The following LDB2 variants were observed in gnomAD, a reference collection of about 807,000 sequenced individuals.
The protein encoded by LDB2 is LIM domain-binding protein 2.
In LDB2, 12 loss-of-function variants were observed where a neutral mutation model predicts 44.3. The observed-to-expected ratio is 0.27, with a 90% CI of 0.17 to 0.44. LDB2 has a LOEUF of 0.44. Ranked by LOEUF, LDB2 falls within the 20% of genes least tolerant of loss-of-function variation. The pLI, the probability that LDB2 is intolerant of heterozygous loss-of-function variation, is 1.00. For missense variants in LDB2, 344 were observed against 473.5 expected, an observed-to-expected ratio of 0.73 and a Z score of 2.54; for synonymous variants, 164 against 174.8, an observed-to-expected ratio of 0.94 and a Z score of 0.49.
intron 2 of LDB2, among the ~76,000 whole-genome samples, chr4:16,683,710 C>T (rs1748506964): frequency 1.3e-5 from 2 of 152,206 alleles, no homozygotes; most frequent in African/African-American, 4.8e-5. Flanking sequence ...TTAGCATATT[C>T]GTTAATGTTA....
At chr4:16,593,148 C>T (rs1374349094) in intron 3 of LDB2, among the ~76,000 whole-genome samples, 2 of 152,078 alleles carry the variant, frequency 1.3e-5, no homozygotes, top group Non-Finnish European at 2.9e-5. Flanking sequence ...CACCAGTTGA[C>T]CAAATTTTCA....
At chr4:16,843,370 T>A (rs1786268946) in intron 1 of LDB2, among the ~76,000 whole-genome samples, 1 of 152,198 alleles carries the variant, frequency 6.6e-6, no homozygotes, top group African/African-American at 2.4e-5. Flanking sequence ...TTCTTCACTG[T>A]TCAGTCTCCA....
chr4:16,817,821 T>G (rs1781234190), intron 1 of LDB2, among the ~76,000 whole-genome samples: 1 of 152,138 alleles, frequency 6.6e-6, no homozygotes, highest in Non-Finnish European at 1.5e-5. Context: ...TGAGTCTTGC[T>G]CCAGAATTTG....
intron 2 of LDB2, chr4:16,626,681 C>T (rs1730371047): frequency 6.6e-6 from 1 of 151,936 alleles, no homozygotes; most frequent in South Asian, 2.1e-4. Flanking sequence ...GGACAAGTTG[C>T]TTTACCTTGC....
In LDB2 at chr4:16,551,732, G is replaced by C. The variant is rs187549458; in HGVS notation, c.615+34190C>G. Among the ~76,000 whole-genome samples the C allele has an allele frequency of 2.7e-3, 413 of 152,188 alleles. 5 individuals are homozygous for C. Among genetic ancestry groups the C allele is most frequent in the African/African-American group, 9.5e-3 (393 of 41,508 alleles). On this transcript the variant is annotated intron_variant, in intron 5 of 7. Coordinates refer to ENST00000304523, the MANE Select transcript of LDB2 (RefSeq NM_001290.5). ...GAGTTCCACCATGTTGGCCAGACTG[G>C]TCTCAAACTCCTGACCTCAGGTGAT...
At chr4:16,530,526 T>G (rs1729788886) in intron 5 of LDB2, among the ~76,000 whole-genome samples, 1 of 152,240 alleles carries the variant, frequency 6.6e-6, no homozygotes, top group African/African-American at 2.4e-5. Context: ...ACTATGTCCC[T>G]CATGATCTGA....
intron 2 of LDB2, among the ~76,000 whole-genome samples, chr4:16,629,884 G>C (rs1031047292): frequency 8.6e-5 from 13 of 152,046 alleles, no homozygotes; most frequent in African/African-American, 3.1e-4. Flanking sequence ...GACAAGATTA[G>C]AGAAAAAGGA....
At chr4:16,642,766 A>G (rs1735566562) in intron 2 of LDB2, among the ~76,000 whole-genome samples, 1 of 152,184 alleles carries the variant, frequency 6.6e-6, no homozygotes, top group Non-Finnish European at 1.5e-5. Flanking sequence ...TGGAAAGCAG[A>G]CATTATCTCT....
chr4:16,707,997 A>G (rs1179755929), intron 2 of LDB2, among the ~76,000 whole-genome samples: 3 of 152,198 alleles, frequency 2.0e-5, no homozygotes, highest in South Asian at 2.1e-4. Flanking sequence ...CCCGTGTTCA[A>G]ACTGACACAC....
In LDB2 at chr4:16,662,530, A is replaced by G. The variant is rs573390552; in HGVS notation, c.236-66655T>C. ...TTTAAAGTTAAACTCATATATTGAT[A>G]TGGTTTGGCTGTGTCCCCACCCAAA... On this transcript the variant is annotated intron_variant, in intron 2 of 7. Coordinates refer to ENST00000304523, the MANE Select transcript of LDB2 (RefSeq NM_001290.5). 2.6e-5 allele frequency among the ~76,000 whole-genome samples: 4 copies of G among 152,276 alleles called. No homozygotes were observed. The South Asian group carries it at 6.2e-4, about 24-fold the overall frequency.
At chr4:16,870,840 G>A (rs1716350893) in intron 1 of LDB2, among the ~76,000 whole-genome samples, 1 of 152,002 alleles carries the variant, frequency 6.6e-6, no homozygotes, top group Admixed American at 6.6e-5. Flanking sequence ...CACAATGTTG[G>A]CCAGGCTGGT....
chr4:16,598,130 C>T (rs1452071223), intron 2 of LDB2, among the ~76,000 whole-genome samples: 1 of 152,166 alleles, frequency 6.6e-6, no homozygotes, highest in Non-Finnish European at 1.5e-5. Context: ...TATTCACGCC[C>T]TTGTGTACGT....
At chr4:16,550,901 T>C (rs924173721) in intron 5 of LDB2, among the ~76,000 whole-genome samples, 3 of 152,338 alleles carry the variant, frequency 2.0e-5, no homozygotes, top group African/African-American at 7.2e-5. Flanking sequence ...TGCATATTCC[T>C]ATAATACAAC....
At chr4:16,581,937 AAAGG>A (rs1452444630) in intron 5 of LDB2, among the ~76,000 whole-genome samples, 1 of 151,162 alleles carries the variant, frequency 6.6e-6, no homozygotes, top group Non-Finnish European at 1.5e-5. Flanking sequence ...AGAAAGAAAG[AAAGG>A]AAGGGAGGGA....
chr4:16,634,314 A>T (rs929568179), intron 2 of LDB2, among the ~76,000 whole-genome samples: 31 of 150,578 alleles, frequency 2.1e-4, no homozygotes, highest in African/African-American at 6.8e-4. Flanking sequence ...AAAAAAAAAA[A>T]AGCTATCATC....
chr4:16,663,343 A>G (rs1488063909), intron 2 of LDB2, among the ~76,000 whole-genome samples: 2 of 152,196 alleles, frequency 1.3e-5, no homozygotes, highest in Non-Finnish European at 2.9e-5. Context: ...AAATTCTCCC[A>G]CCATGGCTAA....
At chr4:16,801,700 T>C (rs1777868535) in intron 1 of LDB2, among the ~76,000 whole-genome samples, 1 of 152,186 alleles carries the variant, frequency 6.6e-6, no homozygotes, top group Admixed American at 6.5e-5. Flanking sequence ...AATTATAAAA[T>C]TGAACAGATC....
At chr4:16,650,267 C>T (rs1737897761) in intron 2 of LDB2, among the ~76,000 whole-genome samples, 1 of 152,156 alleles carries the variant, frequency 6.6e-6, no homozygotes, top group Non-Finnish European at 1.5e-5. Context: ...TGTGAAGGCT[C>T]CATGAGTTAA....
intron 7 of LDB2, 87 bp downstream of exon 7, chr4:16,508,448 T>C (rs1720425389): frequency 1.6e-6 from 2 of 1,252,662 alleles, no homozygotes; most frequent in Non-Finnish European, 2.1e-6. Flanking sequence ...TTTTTTTTTT[T>C]TCTAATGAAA....
Sources: allele counts gnomAD v4.1 joint callset (sites outside exome capture counted in the v4.1 genomes callset), GRCh38; gene constraint gnomAD v4.1.1; transcripts MANE v1.5; gene names NCBI Gene and HGNC (gene_info 2026-07-23, HGNC 2026-07-21).